CSMD1: variants seen among roughly 807,000 people sequenced by gnomAD.
CSMD1 encodes the protein CUB and sushi domain-containing protein 1.
In CSMD1, 213 loss-of-function variants were observed where a neutral mutation model predicts 417.5. The ratio of observed to expected loss-of-function variants is 0.51; its 90% confidence interval spans 0.46 to 0.57. CSMD1 has a LOEUF of 0.57. Ranked by LOEUF, CSMD1 falls within the 20% of genes least tolerant of loss-of-function variation. CSMD1 has a pLI of 0.00. For missense variants in CSMD1, 6,923 were observed against 4,529.7 expected (o/e 1.53, Z -15.17); for synonymous variants, 2,862 against 1,736.8 (o/e 1.65, Z -16.11).
chr8:3,445,066 G>C (rs776232550), intron 12 of CSMD1, among the ~76,000 whole-genome samples: 2 of 152,136 alleles, frequency 1.3e-5, no homozygotes, highest in Non-Finnish European at 2.9e-5. Flanking sequence ...TCGGCAAAAT[G>C]TCTACTATGG....
chr8:3,833,060 G>T (rs763945058), intron 5 of CSMD1, among the ~76,000 whole-genome samples: 1 of 152,108 alleles, frequency 6.6e-6, no homozygotes, highest in African/African-American at 2.4e-5. Flanking sequence ...TTTCATGGCA[G>T]CTGTTTGAAT....
intron 5 of CSMD1, among the ~76,000 whole-genome samples, chr8:3,948,974 G>C (rs929097230): frequency 7.9e-5 from 12 of 151,962 alleles, no homozygotes; most frequent in Non-Finnish European, 1.5e-4. Context: ...TTTATCACCA[G>C]GGTAAGAAGT....
intron 48 of CSMD1, 129 bp from the exon 49 acceptor site, chr8:3,087,414 T>C: frequency 1.0e-6 from 1 of 953,510 alleles, no homozygotes; most frequent in East Asian, 2.5e-5. Context: ...CACCAGTATG[T>C]AAGTTTGTTC....
intron 7 of CSMD1, among the ~76,000 whole-genome samples, chr8:3,642,009 G>C (rs528209433): frequency 2.0e-5 from 3 of 152,080 alleles, no homozygotes; most frequent in Non-Finnish European, 4.4e-5. Flanking sequence ...CCAGAAGCTA[G>C]GTTTCCCCCT....
intron 3 of CSMD1, among the ~76,000 whole-genome samples, chr8:4,089,781 T>C (rs1019733529): frequency 6.6e-6 from 1 of 152,154 alleles, no homozygotes; most frequent in Non-Finnish European, 1.5e-5. Context: ...TTATGGGCAA[T>C]AATGCCACTC....
At chr8:4,901,785 A>C (rs906932176) in intron 1 of CSMD1, among the ~76,000 whole-genome samples, 23 of 152,276 alleles carry the variant, frequency 1.5e-4, no homozygotes, top group African/African-American at 5.5e-4. Flanking sequence ...CCTTCCTTGG[A>C]GGGAGGCACA....
chr8:3,243,699 C>T (rs1341272528), intron 26 of CSMD1, among the ~76,000 whole-genome samples: 3 of 151,622 alleles, frequency 2.0e-5, no homozygotes, highest in Non-Finnish European at 4.4e-5. Flanking sequence ...AGCTTGGGCT[C>T]ACAGGCCTGA....
chr8:3,345,041 G>C (rs912142004), intron 22 of CSMD1, among the ~76,000 whole-genome samples: 4 of 152,112 alleles, frequency 2.6e-5, no homozygotes, highest in African/African-American at 9.7e-5. Context: ...AAAGGTGCAG[G>C]TCTCCCTAGG....
chr8:3,477,569 T>A (rs572398829), intron 11 of CSMD1, among the ~76,000 whole-genome samples: 1 of 152,174 alleles, frequency 6.6e-6, no homozygotes, highest in Non-Finnish European at 1.5e-5. Context: ...CTCTTGAGGA[T>A]GGAGTAAAAT....
At chr8:4,247,406 G>C (rs928413136) in intron 3 of CSMD1, among the ~76,000 whole-genome samples, 4 of 152,190 alleles carry the variant, frequency 2.6e-5, no homozygotes, top group African/African-American at 4.8e-5. Context: ...TGCATCTCCA[G>C]CTTGCAGTTC....
chr8:4,523,273 C>T (rs371105669), intron 2 of CSMD1, among the ~76,000 whole-genome samples: 3 of 152,262 alleles, frequency 2.0e-5, no homozygotes, highest in African/African-American at 7.2e-5. Flanking sequence ...AAATCATTTG[C>T]CATACCTGGT....
chr8:4,954,226 G>A (rs1404161117), intron 1 of CSMD1, among the ~76,000 whole-genome samples: 1 of 152,170 alleles, frequency 6.6e-6, no homozygotes, highest in African/African-American at 2.4e-5. Flanking sequence ...GGAGCTCAGA[G>A]TTTAAGAAAT....
chr8:4,753,068 C>G (rs1026504976), intron 1 of CSMD1, among the ~76,000 whole-genome samples: 2 of 152,050 alleles, frequency 1.3e-5, no homozygotes, highest in Admixed American at 6.6e-5. Flanking sequence ...CTCATTTAAC[C>G]CTCACACCAT....
intron 5 of CSMD1, among the ~76,000 whole-genome samples, chr8:3,970,092 A>G (rs1364712217): frequency 6.6e-6 from 1 of 152,236 alleles, no homozygotes; most frequent in Non-Finnish European, 1.5e-5. Flanking sequence ...TCTAAAATTA[A>G]AAACCTTCCT....
chr8:3,274,690 C>A (rs1015944701), intron 26 of CSMD1, among the ~76,000 whole-genome samples: 8 of 152,272 alleles, frequency 5.3e-5, no homozygotes, highest in Admixed American at 2.6e-4. Flanking sequence ...TAATGGCCTT[C>A]TTTGTCTCTT....
At chr8:3,040,470 A>ATC (rs1811014192) in intron 50 of CSMD1, among the ~76,000 whole-genome samples, 2 of 148,372 alleles carry the variant, frequency 1.3e-5, no homozygotes, top group African/African-American at 4.9e-5. Flanking sequence ...CTATCTATCT[A>ATC]TATATATAAA....
At chr8:3,594,109 C>G (rs1800981403) in intron 8 of CSMD1, among the ~76,000 whole-genome samples, 1 of 152,148 alleles carries the variant, frequency 6.6e-6, no homozygotes, top group African/African-American at 2.4e-5. Flanking sequence ...ATCTTGAAAA[C>G]ATTTAGCTGC....
At chr8:3,769,827 G>C (rs915603308) in intron 5 of CSMD1, among the ~76,000 whole-genome samples, 1 of 152,130 alleles carries the variant, frequency 6.6e-6, no homozygotes, top group African/African-American at 2.4e-5. Context: ...TGTTGAATCA[G>C]CACTTTTATT....
At chr8:3,685,886 T>G (rs1020071435) in intron 7 of CSMD1, among the ~76,000 whole-genome samples, 1 of 152,184 alleles carries the variant, frequency 6.6e-6, no homozygotes, top group African/African-American at 2.4e-5. Flanking sequence ...CATCAAACAT[T>G]TATTGTTCGT....
Sources: gnomAD v4.1 joint callset for allele counts (sites outside exome capture counted in the v4.1 genomes callset) on GRCh38, gnomAD v4.1.1 for gene constraint, MANE v1.5 for transcripts, NCBI Gene and HGNC (gene_info 2026-07-23, HGNC 2026-07-21) for gene names.